The following KIAA1217 variants were observed in gnomAD, a reference collection of about 807,000 sequenced individuals.
KIAA1217 encodes the protein KIAA1217, also known as sickle tail protein homolog.
A neutral mutation model predicts 163.9 loss-of-function variants in KIAA1217; 88 were observed. That is an observed-to-expected ratio of 0.54 (90% CI 0.45 to 0.64). The LOEUF (loss-of-function observed/expected upper bound fraction) is 0.64. KIAA1217 is among the 30% of genes least tolerant of loss of function. The probability of loss-of-function intolerance (pLI) is 0.00; values close to 1 mark genes in which losing one functional copy is unlikely to be tolerated. For missense variants in KIAA1217, 2,372 were observed against 2,475.0 expected (o/e 0.96, Z 0.88); for synonymous variants, 903 against 923.1 (o/e 0.98, Z 0.39).
At chr10:24,435,876 T>C (rs1036805645) in intron 4 of KIAA1217, among the ~76,000 whole-genome samples, 5 of 152,120 alleles carry the variant, frequency 3.3e-5, no homozygotes, top group Non-Finnish European at 5.9e-5. Context: ...TTTTTTTTTT[T>C]TTGAGACAGA....
At chr10:24,251,400 C>CAAAAAAAAAAAAAAAAAAAAAAAAAAAA (rs55668887) in intron 2 of KIAA1217, among the ~76,000 whole-genome samples, 1 of 90,536 alleles carries the variant, frequency 1.1e-5, no homozygotes. Context: ...GACACTGTCT[C>CAAAAAAAAAAAAAAAAAAAAAAAAAAAA]AAAAAAAAAA....
At chr10:24,163,173 GAT>G (rs1189537416) in intron 2 of KIAA1217, among the ~76,000 whole-genome samples, 1 of 152,162 alleles carries the variant, frequency 6.6e-6, no homozygotes, top group Non-Finnish European at 1.5e-5. Context: ...CCCAGCCTTC[GAT>G]ATAATGTATA....
intron 2 of KIAA1217, among the ~76,000 whole-genome samples, chr10:24,125,679 T>G (rs2063449079): frequency 6.6e-6 from 1 of 152,178 alleles, no homozygotes; most frequent in African/African-American, 2.4e-5. Context: ...TAATAGTCAT[T>G]TCTGGTTTCC....
intron 2 of KIAA1217, among the ~76,000 whole-genome samples, chr10:24,173,543 A>G (rs1180826621): frequency 6.6e-6 from 1 of 152,168 alleles, no homozygotes; most frequent in Non-Finnish European, 1.5e-5. Flanking sequence ...AGTTACCAAG[A>G]CTACTTAGAT....
intron 1 of KIAA1217, among the ~76,000 whole-genome samples, chr10:23,697,067 A>T (rs1212951765): frequency 6.6e-6 from 1 of 152,210 alleles, no homozygotes; most frequent in African/African-American, 2.4e-5. Context: ...TATGCAATGG[A>T]AATTACCAGC....
intron 2 of KIAA1217, among the ~76,000 whole-genome samples, chr10:24,183,693 A>G (rs1248057164): frequency 1.3e-5 from 2 of 151,906 alleles, no homozygotes; most frequent in Admixed American, 1.3e-4. Context: ...GCAGCGGGGA[A>G]CTCCCTCTCT....
rs1564372227 is a variant in KIAA1217 at position 23,729,906 on chromosome 10, A to ATT, written c.-321+34672_-321+34673insTT. On this transcript the variant is annotated intron_variant, in intron 1 of 18. Coordinates refer to the KIAA1217 transcript ENST00000376462. ...CATTTTCTTCTGTTATTTTCTATGA[A>ATT]ATTTTTTTTTTTTTTGACATAGTCT... 1.1e-4 allele frequency among the ~76,000 whole-genome samples: 13 copies of ATT among 118,854 alleles called. No homozygotes were observed. The East Asian group carries it at 3.0e-3, about 27-fold the overall frequency. The allele number at this position is 118,854 out of a possible 152,430, so 78.0% of individuals were successfully genotyped here. A position where few individuals can be genotyped will look rare whatever the true frequency, so the allele number is the denominator to read the frequency against.
At chr10:24,402,519 A>AAAC (rs2056677857) in intron 3 of KIAA1217, among the ~76,000 whole-genome samples, 1 of 141,914 alleles carries the variant, frequency 7.0e-6, no homozygotes, top group African/African-American at 2.9e-5. Context: ...AAAAAAACAA[A>AAAC]AAACAAAACA....
At chr10:23,724,104 G>A (rs1006084757) in intron 1 of KIAA1217, among the ~76,000 whole-genome samples, 5 of 152,110 alleles carry the variant, frequency 3.3e-5, no homozygotes, top group African/African-American at 4.8e-5. Context: ...CATGAGAACG[G>A]CACCAAGGGG....
intron 1 of KIAA1217, among the ~76,000 whole-genome samples, chr10:23,886,039 G>A (rs748190811): frequency 2.6e-5 from 4 of 151,834 alleles, no homozygotes; most frequent in South Asian, 2.1e-4. Flanking sequence ...ACGTACTTAC[G>A]CGTATTTCCT....
intron 2 of KIAA1217, among the ~76,000 whole-genome samples, chr10:24,188,136 G>A (rs140969118): frequency 6.6e-6 from 1 of 152,162 alleles, no homozygotes; most frequent in Admixed American, 6.5e-5. Flanking sequence ...GGCAGAGTTT[G>A]CAGTGAGCCG....
chr10:24,002,569 G>T (rs1302297438), intron 1 of KIAA1217, among the ~76,000 whole-genome samples: 1 of 152,130 alleles, frequency 6.6e-6, no homozygotes, highest in East Asian at 1.9e-4. Context: ...CATTAAACCA[G>T]CAATCACTGG....
At chr10:24,024,108 TCTC>T (rs1419247189) in intron 2 of KIAA1217, among the ~76,000 whole-genome samples, 1 of 151,626 alleles carries the variant, frequency 6.6e-6, no homozygotes, top group Non-Finnish European at 1.5e-5. Context: ...AATGTTAAAA[TCTC>T]CTAAGTTTTA....
intron 1 of KIAA1217, among the ~76,000 whole-genome samples, chr10:23,745,695 G>A (rs144799115): frequency 5.5e-4 from 84 of 152,248 alleles, no homozygotes; most frequent in Non-Finnish European, 1.1e-3. Flanking sequence ...TTGGCCCACC[G>A]ATAATTTGTA....
intron 2 of KIAA1217, among the ~76,000 whole-genome samples, chr10:24,380,356 C>T (rs761081248): frequency 3.3e-5 from 5 of 151,900 alleles, no homozygotes; most frequent in Non-Finnish European, 5.9e-5. Flanking sequence ...CCAGGTGCAG[C>T]GGGTCACGCC....
At chr10:24,406,424 A>G (rs926270005) in intron 3 of KIAA1217, among the ~76,000 whole-genome samples, 1 of 140,356 alleles carries the variant, frequency 7.1e-6, no homozygotes, top group Non-Finnish European at 1.5e-5. Flanking sequence ...CACACACCAT[A>G]CAGGATGAAC....
At chr10:23,844,112 T>C (rs1838913248) in intron 1 of KIAA1217, among the ~76,000 whole-genome samples, 1 of 152,172 alleles carries the variant, frequency 6.6e-6, no homozygotes, top group Non-Finnish European at 1.5e-5. Context: ...CCAATCTTTT[T>C]ATGTTTAGCA....
Position 24,348,472 on chromosome 10 carries a change from A to G in KIAA1217, c.355-32397A>G, listed in dbSNP as rs377686989. On this transcript the variant is annotated intron_variant, in intron 2 of 20. Transcript: ENST00000376454. ...TTAAATGGTGAAAATATCATTGCAG[A>G]TAAATTCTAAATGAAAATAAATCCT... Among the ~76,000 whole-genome samples the G allele has an allele frequency of 4.6e-5, 7 of 152,362 alleles. No homozygotes were observed. The East Asian group carries it at 1.3e-3, about 29-fold the overall frequency.
chr10:24,487,072 A>G (rs368090498), intron 6 of KIAA1217, among the ~76,000 whole-genome samples: 1 of 152,206 alleles, frequency 6.6e-6, no homozygotes, highest in Non-Finnish European at 1.5e-5. Context: ...TATTTGGTCT[A>G]CGGCTTCTCC....
Sources: allele counts gnomAD v4.1 joint callset (sites outside exome capture counted in the v4.1 genomes callset), GRCh38; gene constraint gnomAD v4.1.1; transcripts MANE v1.5; gene names NCBI Gene and HGNC (gene_info 2026-07-23, HGNC 2026-07-21).